COL25A1: variants seen among roughly 807,000 people sequenced by gnomAD.
The protein encoded by COL25A1 is collagen type XXV alpha 1 chain.
COL25A1 carries 103 observed loss-of-function variants against 128.4 expected under a neutral mutation model. That is an observed-to-expected ratio of 0.80 (90% CI 0.68 to 0.94). The LOEUF (loss-of-function observed/expected upper bound fraction) is 0.94. Among genes scored for constraint, COL25A1 ranks in the 40% least tolerant of loss-of-function variants. The pLI, the probability that COL25A1 is intolerant of heterozygous loss-of-function variation, is 0.00. For synonymous variants in COL25A1, 279 were observed against 277.2 expected (o/e 1.01, Z -0.06); for missense variants, 745 against 840.0 (o/e 0.89, Z 1.40).
At chr4:109,279,352 G>C (rs1237082920) in intron 3 of COL25A1, among the ~76,000 whole-genome samples, 4 of 152,114 alleles carry the variant, frequency 2.6e-5, no homozygotes, top group Admixed American at 2.6e-4. Context: ...ACTCATGCCA[G>C]TAATCCCAGT....
At chr4:109,024,747 A>T (rs909486680) in intron 5 of COL25A1, among the ~76,000 whole-genome samples, 15 of 149,530 alleles carry the variant, frequency 1.0e-4, no homozygotes, top group African/African-American at 3.8e-4. Flanking sequence ...TTACTCAAAG[A>T]TCTAGGTCAA....
intron 3 of COL25A1, among the ~76,000 whole-genome samples, chr4:109,182,248 C>G (rs144527580): frequency 6.6e-6 from 1 of 152,032 alleles, no homozygotes. Flanking sequence ...GGTAGTTTGA[C>G]TTAATTTTTT....
At chr4:108,971,657 G>A (rs576041053) in intron 8 of COL25A1, among the ~76,000 whole-genome samples, 1 of 152,142 alleles carries the variant, frequency 6.6e-6, no homozygotes, top group Non-Finnish European at 1.5e-5. Context: ...GTGGGGATGG[G>A]CAAGAGCTAA....
intron 18 of COL25A1, among the ~76,000 whole-genome samples, chr4:108,886,476 G>GTTTTTTT (rs1560806262): frequency 7.3e-5 from 9 of 123,280 alleles, no homozygotes; most frequent in African/African-American, 2.6e-4. Flanking sequence ...GTGTGTGTGT[G>GTTTTTTT]TGTGTGTGTG....
intron 3 of COL25A1, among the ~76,000 whole-genome samples, chr4:109,280,660 G>GTTTTGT (rs1553974936): frequency 1.2e-4 from 17 of 147,178 alleles, no homozygotes; most frequent in African/African-American, 4.2e-4. Flanking sequence ...GTTTTGTTTT[G>GTTTTGT]TTTTTTTTTT....
chr4:109,076,995 C>G (rs912473848), intron 3 of COL25A1, among the ~76,000 whole-genome samples: 1 of 152,126 alleles, frequency 6.6e-6, no homozygotes, highest in Non-Finnish European at 1.5e-5. Context: ...CTGTGAGGCC[C>G]AGTTTCTAAG....
intron 3 of COL25A1, among the ~76,000 whole-genome samples, chr4:109,122,651 T>C (rs1051963196): frequency 2.6e-5 from 4 of 152,032 alleles, no homozygotes; most frequent in African/African-American, 9.7e-5. Flanking sequence ...CTGTGATGAA[T>C]TCCCAATGAA....
At chr4:109,199,569 C>T (rs996248234) in intron 3 of COL25A1, among the ~76,000 whole-genome samples, 2 of 151,920 alleles carry the variant, frequency 1.3e-5, no homozygotes, top group Non-Finnish European at 2.9e-5. Flanking sequence ...AAAACTAATG[C>T]CTTTTTATAG....
At chr4:108,836,591 T>C (rs1733840912) in intron 31 of COL25A1, among the ~76,000 whole-genome samples, 1 of 152,138 alleles carries the variant, frequency 6.6e-6, no homozygotes, top group African/African-American at 2.4e-5. Context: ...CAGTGAGCTG[T>C]GAGTGTATCA....
chr4:109,260,358 G>A (rs891378802), intron 3 of COL25A1, among the ~76,000 whole-genome samples: 3 of 152,102 alleles, frequency 2.0e-5, no homozygotes, highest in Non-Finnish European at 4.4e-5. Context: ...AAGGAGTAAC[G>A]ATTTTGGAAC....
intron 13 of COL25A1, among the ~76,000 whole-genome samples, chr4:108,901,683 A>G (rs1742871385): frequency 6.6e-6 from 1 of 152,142 alleles, no homozygotes; most frequent in Non-Finnish European, 1.5e-5. Flanking sequence ...TAAACACTAA[A>G]AACAGATTTG....
At chr4:109,107,972 T>C (rs1272958226) in intron 3 of COL25A1, among the ~76,000 whole-genome samples, 1 of 152,234 alleles carries the variant, frequency 6.6e-6, no homozygotes, top group Non-Finnish European at 1.5e-5. Context: ...TTTCTTTTCA[T>C]CTAAAAGGTA....
At chr4:109,084,004 T>C (rs1430622750) in intron 3 of COL25A1, among the ~76,000 whole-genome samples, 2 of 152,176 alleles carry the variant, frequency 1.3e-5, no homozygotes, top group Non-Finnish European at 2.9e-5. Flanking sequence ...TTTGTTTTGT[T>C]TTAAGAAAAA....
At chr4:109,185,565 G>A (rs532446518) in intron 3 of COL25A1, among the ~76,000 whole-genome samples, 1 of 152,240 alleles carries the variant, frequency 6.6e-6, no homozygotes, top group Non-Finnish European at 1.5e-5. Context: ...TTTAAAATTA[G>A]AAGGTACTAC....
chr4:109,243,571 GA>G (rs1780050237), intron 3 of COL25A1, among the ~76,000 whole-genome samples: 1 of 152,062 alleles, frequency 6.6e-6, no homozygotes, highest in Non-Finnish European at 1.5e-5. Context: ...TCCACCTGGT[GA>G]AGGGAAGACT....
chr4:109,026,081 TC>T (rs1758238794), intron 5 of COL25A1, among the ~76,000 whole-genome samples: 1 of 144,890 alleles, frequency 6.9e-6, no homozygotes, highest in South Asian at 2.2e-4. Flanking sequence ...GTTAGAAATA[TC>T]CACATATAAA....
chr4:109,200,614 C>T (rs1426248719), intron 3 of COL25A1, among the ~76,000 whole-genome samples: 1 of 152,024 alleles, frequency 6.6e-6, no homozygotes, highest in African/African-American at 2.4e-5. Flanking sequence ...CCATGCCCTG[C>T]TGATTTTTTG....
intron 3 of COL25A1, among the ~76,000 whole-genome samples, chr4:109,233,816 G>A (rs1438653022): frequency 1.3e-5 from 2 of 152,052 alleles, no homozygotes; most frequent in Admixed American, 1.3e-4. Flanking sequence ...AGTACATAAT[G>A]TACCATACTT....
intron 3 of COL25A1, among the ~76,000 whole-genome samples, chr4:109,089,875 G>A (rs910850095): frequency 4.0e-5 from 6 of 151,894 alleles, no homozygotes; most frequent in African/African-American, 1.5e-4. Flanking sequence ...AAAGTGCTGG[G>A]ATTACAGGTG....
Sources: allele counts gnomAD v4.1 joint callset (sites outside exome capture counted in the v4.1 genomes callset), GRCh38; gene constraint gnomAD v4.1.1; transcripts MANE v1.5; gene names NCBI Gene and HGNC (gene_info 2026-07-23, HGNC 2026-07-21).